DLGAP2: variants seen among roughly 807,000 people sequenced by gnomAD.
The protein encoded by DLGAP2 is disks large-associated protein 2.
In DLGAP2, 26 loss-of-function variants were observed where a neutral mutation model predicts 100.3. That is an observed-to-expected ratio of 0.26 (90% CI 0.19 to 0.36). The LOEUF (loss-of-function observed/expected upper bound fraction) is 0.36, where lower values mean the gene tolerates loss of function less well. DLGAP2 is among the 10% of genes least tolerant of loss of function. The pLI is 1.00. For missense variants in DLGAP2, 1,858 were observed against 1,453.2 expected (o/e 1.28, Z -4.53); for synonymous variants, 886 against 630.1 (o/e 1.41, Z -6.08).
At chr8:1,562,511 TG>T (rs1172459269) in intron 5 of DLGAP2, among the ~76,000 whole-genome samples, 22 of 40,620 alleles carry the variant, frequency 5.4e-4, no homozygotes, top group Admixed American at 6.1e-4. Flanking sequence ...TGTGTGGTGT[TG>T]GGGTGTCCGC....
chr8:1,359,506 G>C (rs550090809), intron 3 of DLGAP2, among the ~76,000 whole-genome samples: 1 of 152,270 alleles, frequency 6.6e-6, no homozygotes, highest in African/African-American at 2.4e-5. Context: ...GCCTCCTGGC[G>C]AAGGGGCAAG....
chr8:1,121,767 A>G (rs915361456), intron 2 of DLGAP2, among the ~76,000 whole-genome samples: 4 of 151,758 alleles, frequency 2.6e-5, no homozygotes, highest in Non-Finnish European at 5.9e-5. Context: ...TGAACCCATG[A>G]CCACCCATCC....
chr8:944,969 A>G (rs1427794437), intron 2 of DLGAP2, among the ~76,000 whole-genome samples: 2 of 152,134 alleles, frequency 1.3e-5, no homozygotes, highest in East Asian at 3.9e-4. Context: ...TTTCCTAGTG[A>G]TCTGTGGAGT....
At chr8:1,639,718 A>C (rs773308654) in intron 8 of DLGAP2, among the ~76,000 whole-genome samples, 8 of 152,206 alleles carry the variant, frequency 5.3e-5, no homozygotes, top group South Asian at 2.1e-4. Flanking sequence ...AGCGTCAAAC[A>C]TCAGGTCGTT....
intron 2 of DLGAP2, among the ~76,000 whole-genome samples, chr8:1,151,462 C>T (rs563034070): frequency 2.2e-4 from 33 of 152,250 alleles, no homozygotes; most frequent in African/African-American, 4.3e-4. Context: ...AGCTTTGGGA[C>T]GGTGAACACG....
intron 2 of DLGAP2, among the ~76,000 whole-genome samples, chr8:1,161,690 G>C (rs1796893205): frequency 6.6e-6 from 1 of 152,192 alleles, no homozygotes; most frequent in Non-Finnish European, 1.5e-5. Context: ...TCACACCAGG[G>C]GTCCATGTCT....
chr8:1,369,999 G>T (rs2129700607), intron 3 of DLGAP2, among the ~76,000 whole-genome samples: 1 of 152,314 alleles, frequency 6.6e-6, no homozygotes, highest in Non-Finnish European at 1.5e-5. Flanking sequence ...TCTTCACGCA[G>T]TTGCCCTCAG....
At chr8:1,010,609 A>T (rs1172330492) in intron 2 of DLGAP2, among the ~76,000 whole-genome samples, 2 of 152,236 alleles carry the variant, frequency 1.3e-5, no homozygotes, top group Admixed American at 1.3e-4. Context: ...CATCAAATGG[A>T]GCTTAATGAT....
intron 6 of DLGAP2, among the ~76,000 whole-genome samples, chr8:1,603,460 C>A (rs984074629): frequency 6.6e-6 from 1 of 151,340 alleles, no homozygotes; most frequent in Admixed American, 6.6e-5. Context: ...GAGGCTGGGT[C>A]TCAGTTCTGT....
intron 3 of DLGAP2, among the ~76,000 whole-genome samples, chr8:1,312,108 T>G (rs1233443888): frequency 6.6e-6 from 1 of 152,190 alleles, no homozygotes; most frequent in Non-Finnish European, 1.5e-5. Flanking sequence ...CACAGATTCT[T>G]CCCAAGCTCG....
intron 1 of DLGAP2, among the ~76,000 whole-genome samples, chr8:884,098 C>G (rs1307040731): frequency 1.3e-5 from 2 of 152,212 alleles, no homozygotes; most frequent in Non-Finnish European, 1.5e-5. Context: ...CTGCAATAAA[C>G]ATACATACGC....
intron 1 of DLGAP2, among the ~76,000 whole-genome samples, chr8:828,255 T>C (rs1796718358): frequency 6.6e-6 from 1 of 152,174 alleles, no homozygotes; most frequent in South Asian, 2.1e-4. Context: ...CTAATAAGCC[T>C]GGGAGCGCTA....
intron 10 of DLGAP2, 45 bp downstream of exon 10, chr8:1,669,829 A>C: frequency 1.3e-6 from 1 of 780,716 alleles, no homozygotes; most frequent in Non-Finnish European, 2.4e-6. Flanking sequence ...CATGACTTTC[A>C]TTTTCTCTCC....
rs1369728809 is a variant in DLGAP2, at chr8:1,239,394, C to T, written c.74-19457C>T. Among the ~76,000 whole-genome samples the T allele has an allele frequency of 6.5e-4, 13 of 20,046 alleles. 4 individuals carry two copies. Among genetic ancestry groups the T allele is most frequent in the Admixed American group, 2.0e-3 (4 of 1,990 alleles). 13.2% of individuals were successfully genotyped at this position (20,046 alleles called of 152,430 possible). A position where few individuals can be genotyped will look rare whatever the true frequency, so the allele number is the denominator to read the frequency against. ...CGTGTCTAGTTCTCTCACGTGGTGC[C>T]GTGTCTAGTTCTCTCACATGGCGCC... On this transcript the variant is annotated intron_variant, in intron 2 of 14. Transcript: ENST00000637795.
chr8:1,013,627 ACGGTGCCTCCACTGTGTGTG>A (rs1801364183), intron 2 of DLGAP2, among the ~76,000 whole-genome samples: 1 of 146,322 alleles, frequency 6.8e-6, no homozygotes, highest in African/African-American at 2.7e-5. Flanking sequence ...ACCAGGACAG[ACGGTGCCTCCACTGTGTGTG>A]TGACCAGGAC....
intron 2 of DLGAP2, among the ~76,000 whole-genome samples, chr8:1,007,713 A>G (rs1801161770): frequency 6.6e-6 from 1 of 151,958 alleles, no homozygotes; most frequent in Non-Finnish European, 1.5e-5. Flanking sequence ...ACCTGCCAGC[A>G]GTGATGGAAA....
intron 2 of DLGAP2, among the ~76,000 whole-genome samples, chr8:1,253,847 AT>A (rs1799108338): frequency 6.6e-6 from 1 of 152,198 alleles, no homozygotes; most frequent in African/African-American, 2.4e-5. Flanking sequence ...TTGGGGAAGA[AT>A]TCATTGAAAG....
intron 7 of DLGAP2, 29 bp downstream of exon 7, chr8:1,626,916 G>T (rs1311624540): frequency 6.4e-7 from 1 of 1,564,988 alleles, no homozygotes. Context: ...TTTCTCCCTG[G>T]GGTCCAGTCT....
chr8:1,080,500 T>C (rs1803769943), intron 2 of DLGAP2, among the ~76,000 whole-genome samples: 1 of 152,192 alleles, frequency 6.6e-6, no homozygotes, highest in African/African-American at 2.4e-5. Context: ...GCTCCTAGTT[T>C]TGTGTAAGGG....
Sources: allele counts gnomAD v4.1 joint callset (sites outside exome capture counted in the v4.1 genomes callset), GRCh38; gene constraint gnomAD v4.1.1; transcripts MANE v1.5; gene names NCBI Gene and HGNC (gene_info 2026-07-23, HGNC 2026-07-21).